The following NXPE2 variants were observed in gnomAD, a reference collection of about 807,000 sequenced individuals.
NXPE2 encodes the protein neurexophilin and PC-esterase domain family member 2.
A neutral mutation model predicts 34.4 loss-of-function variants in NXPE2; 34 were observed. That is an observed-to-expected ratio of 0.99 (90% CI 0.75 to 1.31). NXPE2 has a LOEUF of 1.31. Among genes scored for constraint, NXPE2 ranks in the 40% most tolerant of loss-of-function variants. NXPE2 has a pLI of 0.00. For missense variants in NXPE2, 649 were observed against 672.5 expected, an observed-to-expected ratio of 0.97 and a Z score of 0.39; for synonymous variants, 235 against 231.3, an observed-to-expected ratio of 1.02 and a Z score of -0.15.
the NXPE2 span, among the ~76,000 whole-genome samples, chr11:114,527,614 C>T: frequency 1.3e-4 from 20 of 152,212 alleles, no homozygotes; most frequent in South Asian, 8.3e-4. Flanking sequence ...GGTTTAAACA[C>T]GAATGTAGAT....
intron 2 of NXPE2, among the ~76,000 whole-genome samples, chr11:114,695,966 C>A (rs530606166): frequency 6.6e-6 from 1 of 151,476 alleles, no homozygotes; most frequent in African/African-American, 2.4e-5. Context: ...TGCAGTGAGC[C>A]GAGATTGTGC....
At chr11:114,612,686 G>A in the NXPE2 span, among the ~76,000 whole-genome samples, 1 of 150,052 alleles carries the variant, frequency 6.7e-6, no homozygotes, top group African/African-American at 2.5e-5. Context: ...TGTCTCATGG[G>A]TAACAACTGT....
At chr11:114,602,472 T>C in the NXPE2 span, among the ~76,000 whole-genome samples, 1 of 135,902 alleles carries the variant, frequency 7.4e-6, no homozygotes, top group Non-Finnish European at 1.5e-5. Flanking sequence ...ATATAAATTA[T>C]AGATTATATA....
downstream of NXPE2, chr11:114,707,381 CCA>C: frequency 2.5e-6 from 1 of 404,326 alleles, no homozygotes; most frequent in South Asian, 1.8e-5. Context: ...CAGGCATGAA[CCA>C]CCATGCCCGG....
chr11:114,731,780 ATAAG>A, the NXPE2 span, among the ~76,000 whole-genome samples: 24 of 152,362 alleles, frequency 1.6e-4, no homozygotes, highest in African/African-American at 5.3e-4. Flanking sequence ...ACATATACAC[ATAAG>A]TAAGTACAAA....
chr11:114,618,937 C>T, the NXPE2 span, among the ~76,000 whole-genome samples: 1 of 151,830 alleles, frequency 6.6e-6, no homozygotes, highest in Admixed American at 6.6e-5. Flanking sequence ...CTGCTACCCA[C>T]TGGATAATAA....
At chr11:114,638,387 T>C in the NXPE2 span, among the ~76,000 whole-genome samples, 6 of 152,004 alleles carry the variant, frequency 3.9e-5, no homozygotes, top group Non-Finnish European at 8.8e-5. Context: ...TCAAAGTTTT[T>C]AACTTCTTTG....
the NXPE2 span, among the ~76,000 whole-genome samples, chr11:114,727,774 AACACACACACACACAC>A: frequency 7.8e-6 from 1 of 127,584 alleles, no homozygotes; most frequent in Non-Finnish European, 1.7e-5. Flanking sequence ...ATGTGTACAC[AACACACACACACACAC>A]ACACACACAC....
chr11:114,584,060 C>T, the NXPE2 span: 1 of 311,236 alleles, frequency 3.2e-6, no homozygotes, highest in Non-Finnish European at 6.3e-6. Context: ...GTCTAGGGGT[C>T]ACTTAGATTG....
the NXPE2 span, among the ~76,000 whole-genome samples, chr11:114,670,420 C>T: frequency 2.6e-5 from 4 of 152,024 alleles, no homozygotes; most frequent in African/African-American, 9.7e-5. Flanking sequence ...GCAGGCCAAG[C>T]GCAGTGGCTC....
intron 4 of NXPE2, among the ~76,000 whole-genome samples, chr11:114,704,636 G>A (rs771542505): frequency 1.3e-5 from 2 of 152,264 alleles, no homozygotes; most frequent in Admixed American, 6.5e-5. Flanking sequence ...AACAATCAAC[G>A]GGGTGTACCA....
At chr11:114,582,204 C>G in the NXPE2 span, 1 of 1,419,398 alleles carries the variant, frequency 7.0e-7, no homozygotes, top group Non-Finnish European at 9.4e-7. Context: ...AAAATTAATA[C>G]ACTCACAAGA....
the NXPE2 span, among the ~76,000 whole-genome samples, chr11:114,468,972 C>T: frequency 2.0e-5 from 3 of 151,876 alleles, no homozygotes; most frequent in South Asian, 4.1e-4. Flanking sequence ...GATTTACAGA[C>T]AGGGTAATTT....
chr11:114,596,499 G>A, the NXPE2 span, among the ~76,000 whole-genome samples: 1 of 152,152 alleles, frequency 6.6e-6, no homozygotes, highest in Non-Finnish European at 1.5e-5. Context: ...TTTTTAAAAA[G>A]ATGGAATCAA....
At chr11:114,787,099 C>T in the NXPE2 span, among the ~76,000 whole-genome samples, 1 of 152,162 alleles carries the variant, frequency 6.6e-6, no homozygotes, top group Non-Finnish European at 1.5e-5. Flanking sequence ...ATCACTCCAA[C>T]CTCTGTGTCA....
the NXPE2 span, among the ~76,000 whole-genome samples, chr11:114,620,511 G>T: frequency 6.6e-6 from 1 of 151,672 alleles, no homozygotes; most frequent in Non-Finnish European, 1.5e-5. Flanking sequence ...TGCCTCTAGG[G>T]TAACCACTTT....
chr11:114,599,856 T>C, the NXPE2 span, among the ~76,000 whole-genome samples: 2 of 152,120 alleles, frequency 1.3e-5, no homozygotes, highest in Non-Finnish European at 2.9e-5. Flanking sequence ...ACACTGGGGA[T>C]TAGAATTCAA....
At chr11:114,803,526 A>C in the NXPE2 span, among the ~76,000 whole-genome samples, 30 of 151,680 alleles carry the variant, frequency 2.0e-4, 1 homozygote, top group Middle Eastern at 3.5e-3. Flanking sequence ...GGTGCCTTAT[A>C]GCTGTGTCAT....
downstream of NXPE2, among the ~76,000 whole-genome samples, chr11:114,711,585 T>C (rs1859613288): frequency 6.6e-6 from 1 of 152,074 alleles, no homozygotes; most frequent in Non-Finnish European, 1.5e-5. Flanking sequence ...CCAAAAAGTA[T>C]AAAACATTGC....
Sources: gnomAD v4.1 joint callset for allele counts (sites outside exome capture counted in the v4.1 genomes callset) on GRCh38, gnomAD v4.1.1 for gene constraint, MANE v1.5 for transcripts, NCBI Gene and HGNC (gene_info 2026-07-23, HGNC 2026-07-21) for gene names.